The following TBC1D22A variants were observed in gnomAD, a reference collection of about 807,000 sequenced individuals.
The protein encoded by TBC1D22A is putative GTPase activator.
Under a neutral mutation model 60.2 loss-of-function variants are expected in TBC1D22A, and 38 were observed. The observed-to-expected ratio is 0.63, with a 90% CI of 0.49 to 0.83. The LOEUF is 0.83. Ranked by LOEUF, TBC1D22A falls within the 40% of genes least tolerant of loss-of-function variation. TBC1D22A has a pLI of 0.00. For missense variants in TBC1D22A, 628 were observed against 701.0 expected (o/e 0.90, Z 1.18); for synonymous variants, 302 against 281.7 (o/e 1.07, Z -0.72).
chr22:46,812,112 C>T (rs17822045), intron 4 of TBC1D22A, among the ~76,000 whole-genome samples: 41,431 of 151,916 alleles, frequency 0.27, 5,867 homozygotes, highest in South Asian at 0.44. Context: ...GGAGGTTAAT[C>T]GGGCTTCTGG....
At chr22:47,077,952 A>G (rs1603242406) in intron 11 of TBC1D22A, among the ~76,000 whole-genome samples, 2 of 151,952 alleles carry the variant, frequency 1.3e-5, no homozygotes, top group African/African-American at 4.8e-5. Context: ...CTGCTCTCCT[A>G]ATTTGCGCTC....
chr22:47,162,777 C>CCGGTG (rs2068043965), intron 12 of TBC1D22A, among the ~76,000 whole-genome samples: 6 of 141,492 alleles, frequency 4.2e-5, no homozygotes, highest in Admixed American at 1.4e-4. Flanking sequence ...GACTGCGGAC[C>CCGGTG]CAGTGCAGGG....
chr22:47,034,101 C>T (rs1008196512), intron 10 of TBC1D22A, among the ~76,000 whole-genome samples: 5 of 151,730 alleles, frequency 3.3e-5, no homozygotes, highest in Non-Finnish European at 5.9e-5. Context: ...CTATGGGAAC[C>T]ATTTTTTGGT....
intron 8 of TBC1D22A, among the ~76,000 whole-genome samples, chr22:46,971,776 G>A (rs2074071111): frequency 6.6e-6 from 1 of 152,232 alleles, no homozygotes; most frequent in Non-Finnish European, 1.5e-5. Context: ...CTCCCACCTT[G>A]GGCTGCCGTG....
At position 46,942,662 on chromosome 22, in the gene TBC1D22A, G is replaced by A. The variant is rs991956477; in HGVS notation, c.1015+30474G>A. On this transcript the variant is annotated intron_variant, in intron 8 of 12. Coordinates refer to ENST00000337137, the MANE Select transcript of TBC1D22A (RefSeq NM_014346.5). ...GTGCGCTCGGCCACCAGTCCACGGA[G>A]GCCCCTCCAAGCCGGCTTCAGGAAG... is the stretch of plus-strand genomic sequence containing the variant. 2.0e-5 allele frequency among the ~76,000 whole-genome samples: 3 copies of A among 152,154 alleles called. No individual in the cohort carries two copies. The South Asian group carries it at 6.2e-4, about 32-fold the overall frequency.
chr22:47,155,694 T>C (rs892523513), intron 12 of TBC1D22A, among the ~76,000 whole-genome samples: 1 of 147,884 alleles, frequency 6.8e-6, no homozygotes, highest in Non-Finnish European at 1.5e-5. Flanking sequence ...CCACGGCCGT[T>C]CTCCCACGGT....
At chr22:46,896,803 A>T (rs1229652574) in intron 7 of TBC1D22A, among the ~76,000 whole-genome samples, 2 of 151,932 alleles carry the variant, frequency 1.3e-5, no homozygotes, top group Non-Finnish European at 2.9e-5. Flanking sequence ...GGCCAGTCCC[A>T]CCCCTTGCTC....
chr22:47,144,513 C>T (rs1242970101), intron 12 of TBC1D22A, among the ~76,000 whole-genome samples: 1 of 152,252 alleles, frequency 6.6e-6, no homozygotes, highest in African/African-American at 2.4e-5. Context: ...CTCCTTGGCC[C>T]CTGTGCTTAC....
intron 3 of TBC1D22A, among the ~76,000 whole-genome samples, chr22:46,796,756 C>G (rs743142): frequency 6.9e-6 from 1 of 144,908 alleles, no homozygotes; most frequent in African/African-American, 2.6e-5. Flanking sequence ...GGAGGGCGGG[C>G]AGCTTGTACT....
At chr22:46,852,364 CCT>C (rs1217501510) in intron 4 of TBC1D22A, among the ~76,000 whole-genome samples, 2 of 152,350 alleles carry the variant, frequency 1.3e-5, no homozygotes, top group South Asian at 2.1e-4. Flanking sequence ...CGTGTGCCCC[CCT>C]GTCTGTGGTC....
intron 12 of TBC1D22A, among the ~76,000 whole-genome samples, chr22:47,144,318 G>A (rs2067214245): frequency 6.6e-6 from 1 of 152,190 alleles, no homozygotes. Context: ...CTCTCCCAGA[G>A]GACGGCGTCC....
At chr22:47,061,511 C>T (rs1244554260) in intron 11 of TBC1D22A, among the ~76,000 whole-genome samples, 2 of 152,120 alleles carry the variant, frequency 1.3e-5, no homozygotes, top group Admixed American at 1.3e-4. Context: ...ACAGAAGCTT[C>T]GAGCGCAGAT....
chr22:46,974,505 C>T (rs1569293694), intron 9 of TBC1D22A, 106 bp downstream of exon 9: 1 of 868,582 alleles, frequency 1.2e-6, no homozygotes, highest in Non-Finnish European at 1.8e-6. Flanking sequence ...CATGCAGTCC[C>T]TCCTGAAGCC....
chr22:47,173,407 G>A, intron 12 of TBC1D22A, 91 bp from the exon 13 acceptor site: 1 of 1,546,560 alleles, frequency 6.5e-7, no homozygotes, highest in Non-Finnish European at 8.8e-7. Flanking sequence ...CCTCTGACCT[G>A]GGCTTGTATC....
At chr22:46,838,850 A>G (rs1404005498) in intron 4 of TBC1D22A, among the ~76,000 whole-genome samples, 1 of 152,210 alleles carries the variant, frequency 6.6e-6, no homozygotes, top group Non-Finnish European at 1.5e-5. Flanking sequence ...GACAAAATTC[A>G]ACATCTTTTC....
At chr22:47,004,849 GTACA>G (rs1050814651) in intron 10 of TBC1D22A, among the ~76,000 whole-genome samples, 1 of 146,008 alleles carries the variant, frequency 6.8e-6, no homozygotes, top group Non-Finnish European at 1.5e-5. Flanking sequence ...CCACACTACT[GTACA>G]TACACACACC....
At chr22:47,016,010 CT>C (rs1259053053) in intron 10 of TBC1D22A, among the ~76,000 whole-genome samples, 1 of 152,150 alleles carries the variant, frequency 6.6e-6, no homozygotes, top group Non-Finnish European at 1.5e-5. Context: ...ACGTGCCCCC[CT>C]GGGATGGCAG....
Position 47,158,938 on chromosome 22 carries a change from T to TAC in TBC1D22A, c.1426-14547_1426-14546dup, listed in dbSNP as rs993768579. On this transcript the variant is annotated intron_variant, in intron 12 of 12. Transcript: ENST00000337137. ...ATACACATCACATGCACTCACCATG[T>TAC]ACACACACACACACCATGTATACAC... is the stretch of plus-strand genomic sequence containing the variant. Among the ~76,000 whole-genome samples, 8 of 151,058 alleles carry TAC rather than the reference T, an allele frequency of 5.3e-5. No individual in the cohort carries two copies. In the South Asian group the frequency reaches 6.3e-4, roughly 12 times the overall value.
intron 5 of TBC1D22A, among the ~76,000 whole-genome samples, chr22:46,881,876 C>G (rs1360187786): frequency 6.6e-6 from 1 of 152,226 alleles, no homozygotes; most frequent in Non-Finnish European, 1.5e-5. Context: ...TCATGCTGCA[C>G]CATGGCTCTG....
Sources: allele counts gnomAD v4.1 joint callset (sites outside exome capture counted in the v4.1 genomes callset), GRCh38; gene constraint gnomAD v4.1.1; transcripts MANE v1.5; gene names NCBI Gene and HGNC (gene_info 2026-07-23, HGNC 2026-07-21).